HNF4G: variants seen among roughly 807,000 people sequenced by gnomAD.
HNF4G encodes hepatocyte nuclear factor 4 gamma.
HNF4G carries 21 observed loss-of-function variants against 50.9 expected under a neutral mutation model. The ratio of observed to expected loss-of-function variants is 0.41; its 90% CI spans 0.29 to 0.59. The LOEUF (loss-of-function observed/expected upper bound fraction) is 0.59, where lower values mean the gene tolerates loss of function less well. HNF4G is among the 20% of genes least tolerant of loss of function. The pLI is 0.26. For synonymous variants in HNF4G, 198 were observed against 185.6 expected (o/e 1.07, Z -0.54); for missense variants, 527 against 559.4 (o/e 0.94, Z 0.58).
chr8:75,448,584 T>C (rs1432200897), intron 1 of HNF4G, among the ~76,000 whole-genome samples: 1 of 151,454 alleles, frequency 6.6e-6, no homozygotes, highest in East Asian at 1.9e-4. Flanking sequence ...TAATATGTGC[T>C]TATAATATGT....
At chr8:75,514,354 C>CTTTTTTTTTTTTTTTT (rs36078375) in intron 2 of HNF4G, among the ~76,000 whole-genome samples, 1 of 125,032 alleles carries the variant, frequency 8.0e-6, no homozygotes, top group African/African-American at 3.1e-5. Flanking sequence ...TTTCTTCTTT[C>CTTTTTTTTTTTTTTTT]TTTTTTTTTT....
chr8:75,430,055 G>T (rs1300344631), intron 1 of HNF4G, among the ~76,000 whole-genome samples: 1 of 151,954 alleles, frequency 6.6e-6, no homozygotes, highest in African/African-American at 2.4e-5. Flanking sequence ...GGAGGCTGAG[G>T]CAGGAGTATC....
intron 5 of HNF4G, 131 bp from the exon 6 acceptor site, chr8:75,555,851 A>T (rs896120719): frequency 2.3e-6 from 1 of 441,988 alleles, no homozygotes; most frequent in African/African-American, 2.0e-5. Context: ...GATGGCATGT[A>T]TCTATGAATA....
chr8:75,449,607 C>T (rs969538124), intron 1 of HNF4G, among the ~76,000 whole-genome samples: 17 of 150,232 alleles, frequency 1.1e-4, no homozygotes, highest in Admixed American at 2.0e-4. Context: ...CCAGGGTTCA[C>T]GCCATTCTCC....
chr8:75,462,784 T>G (rs936450210), intron 1 of HNF4G, among the ~76,000 whole-genome samples: 3 of 152,122 alleles, frequency 2.0e-5, no homozygotes, highest in South Asian at 2.1e-4. Flanking sequence ...GATAAATATC[T>G]TAGTGTTGTC....
intron 1 of HNF4G, among the ~76,000 whole-genome samples, chr8:75,462,617 G>A (rs1473411714): frequency 6.6e-6 from 1 of 152,208 alleles, no homozygotes; most frequent in African/African-American, 2.4e-5. Flanking sequence ...GAAGACTGTT[G>A]TATTTTGATA....
At chr8:75,515,594 A>G (rs1485546418) in intron 2 of HNF4G, among the ~76,000 whole-genome samples, 1 of 152,188 alleles carries the variant, frequency 6.6e-6, no homozygotes, top group East Asian at 1.9e-4. Flanking sequence ...ACAGTGGTGT[A>G]AGGTCTGTTT....
chr8:75,505,571 TAAC>T (rs1813055254), intron 2 of HNF4G, among the ~76,000 whole-genome samples: 1 of 152,068 alleles, frequency 6.6e-6, no homozygotes, highest in Non-Finnish European at 1.5e-5. Flanking sequence ...GCAAAATATT[TAAC>T]AACATTGTTT....
chr8:75,493,842 CA>C (rs747267648), intron 2 of HNF4G, among the ~76,000 whole-genome samples: 1 of 151,480 alleles, frequency 6.6e-6, no homozygotes, highest in Non-Finnish European at 1.5e-5. Flanking sequence ...TATTCTTTTT[CA>C]AAAAAAATGT....
At chr8:75,489,593 A>G (rs556267761) in intron 1 of HNF4G, among the ~76,000 whole-genome samples, 4 of 152,214 alleles carry the variant, frequency 2.6e-5, no homozygotes, top group Non-Finnish European at 5.9e-5. Context: ...TGATTTAATA[A>G]GGATTTAAAC....
chr8:75,435,392 A>G (rs1326208459), intron 1 of HNF4G, among the ~76,000 whole-genome samples: 2 of 152,230 alleles, frequency 1.3e-5, no homozygotes, highest in African/African-American at 4.8e-5. Flanking sequence ...CTAAAAATAC[A>G]AGAGACTATC....
chr8:75,429,922 C>T (rs888688372), intron 1 of HNF4G, among the ~76,000 whole-genome samples: 1 of 152,010 alleles, frequency 6.6e-6, no homozygotes, highest in Admixed American at 6.6e-5. Flanking sequence ...GAGGCCGAGG[C>T]CAGCGGATCA....
At chr8:75,417,196 G>A (rs1283946907) in intron 1 of HNF4G, among the ~76,000 whole-genome samples, 1 of 151,928 alleles carries the variant, frequency 6.6e-6, no homozygotes, top group African/African-American at 2.4e-5. Context: ...TATAGATGAG[G>A]GTCACCCAGG....
intron 1 of HNF4G, among the ~76,000 whole-genome samples, chr8:75,481,431 G>A (rs1017848841): frequency 2.0e-5 from 3 of 152,134 alleles, no homozygotes; most frequent in African/African-American, 7.2e-5. Context: ...TCCCTGAGAT[G>A]AATTGAATTA....
At chr8:75,513,724 T>C (rs902348215) in intron 2 of HNF4G, among the ~76,000 whole-genome samples, 6 of 152,102 alleles carry the variant, frequency 3.9e-5, no homozygotes, top group Admixed American at 6.5e-5. Context: ...TATAGTTGTT[T>C]TATGCAAAAG....
intron 2 of HNF4G, among the ~76,000 whole-genome samples, chr8:75,545,957 G>C (rs1806766654): frequency 6.6e-6 from 1 of 151,864 alleles, no homozygotes; most frequent in Admixed American, 6.6e-5. Flanking sequence ...TTCCCAAATG[G>C]GCAATGCCTT....
In HNF4G at chr8:75,558,856, G is replaced by C; in HGVS notation, c.942G>C (p.Gln314His). The C allele has an allele frequency of 6.2e-7, 1 of 1,614,096 alleles. No individual in the cohort carries two copies. Residue 314 changes from glutamine (Q) to histidine (H), a missense_variant, in exon 8 of 10, where the codon CAG (glutamine) becomes CAC (histidine). Gln to His is a conservative substitution (Grantham distance 24). Around this residue, in one of 5 missense-constraint regions of HNF4G, gnomAD observed 308 missense variants for 301.5 expected, o/e 1.02. Coordinates refer to ENST00000396423, the MANE Select transcript of HNF4G (RefSeq NM_004133.5). ...TTAAGAACATGAGGTTCCAAGTGCAGATCGGTTTGGAGGACTACATCAATG... is the reference window on the plus strand; with the variant it reads ...TTAAGAACATGAGGTTCCAAGTGCACATCGGTTTGGAGGACTACATCAATG... ...VKIKNMRFQV[Q>H]IGLEDYINDR...
In HNF4G at chr8:75,468,002, T is replaced by A. The variant is rs1182475563; in HGVS notation, c.-143-22087T>A. Among the ~76,000 whole-genome samples, 4 of 152,304 alleles carry A rather than the reference T, an allele frequency of 2.6e-5. No homozygotes were observed. In the East Asian group the frequency reaches 7.7e-4, roughly 29 times the overall value. ...GTTATAAATGATATCGTCATATATA[T>A]TTATACAAAAATGTACATATGCATA... On this transcript the variant is annotated intron_variant, in intron 1 of 10. Coordinates refer to the HNF4G transcript ENST00000354370.
intron 1 of HNF4G, among the ~76,000 whole-genome samples, chr8:75,413,785 AG>A (rs1377232650): frequency 6.6e-6 from 1 of 152,028 alleles, no homozygotes; most frequent in African/African-American, 2.4e-5. Flanking sequence ...TGAACCTAGG[AG>A]GCTGAGATTG....
Sources: gnomAD v4.1 joint callset for allele counts (sites outside exome capture counted in the v4.1 genomes callset) on GRCh38, gnomAD v4.1.1 for gene constraint, gnomAD v4.1.1 regional missense constraint, MANE v1.5 for transcripts, NCBI Gene and HGNC (gene_info 2026-07-23, HGNC 2026-07-21) for gene names.